SPIDR: variants seen among roughly 807,000 people sequenced by gnomAD.
SPIDR encodes the protein DNA repair-scaffolding protein.
A neutral mutation model predicts 104.6 loss-of-function variants in SPIDR; 93 were observed. That is an observed-to-expected ratio of 0.89 (90% CI 0.75 to 1.06). The LOEUF is 1.06. Ranked by LOEUF, SPIDR falls within the 50% of genes least tolerant of loss-of-function variation. SPIDR has a pLI of 0.00. For synonymous variants in SPIDR, 431 were observed against 416.9 expected (o/e 1.03, Z -0.41); for missense variants, 1,154 against 1,111.2 (o/e 1.04, Z -0.55).
chr8:47,733,836 C>T (rs2085695104), intron 19 of SPIDR, among the ~76,000 whole-genome samples: 1 of 152,066 alleles, frequency 6.6e-6, no homozygotes, highest in South Asian at 2.1e-4. Context: ...CTTCTCTTTG[C>T]CTGTCTTGAC....
chr8:47,511,707 T>G, intron 8 of SPIDR: 1 of 1,057,792 alleles, frequency 9.5e-7, no homozygotes, highest in Non-Finnish European at 1.5e-6. Flanking sequence ...ATGGTCTTGG[T>G]GTACTGGTCT....
rs2080198340 is a variant in SPIDR at position 47,701,634 on chromosome 8, ATATT to A, written c.1774-86_1774-83del. The A allele has an allele frequency of 9.2e-6, 12 of 1,309,920 alleles. No homozygotes were observed. In the Admixed American group the frequency reaches 2.2e-4, roughly 24 times the overall value. 81.1% of individuals were successfully genotyped at this position (1,309,920 alleles called of 1,614,324 possible). A position where few individuals can be genotyped will look rare whatever the true frequency, so the allele number is the denominator to read the frequency against. On this transcript the variant is annotated intron_variant, in intron 12 of 19. Transcript: ENST00000297423. ...GATGCACCTGTAAGCAAATATGTAT[ATATT>A]AAAGAGGAGATTTTAATAATATCTC...
intron 1 of SPIDR, among the ~76,000 whole-genome samples, chr8:47,278,688 A>C (rs1554556194): frequency 6.6e-6 from 1 of 151,566 alleles, no homozygotes; most frequent in East Asian, 1.9e-4. Flanking sequence ...GCTCATTGCA[A>C]CCTTTGCCTT....
chr8:47,683,495 AC>A (rs2154476364), intron 11 of SPIDR, among the ~76,000 whole-genome samples: 2 of 152,278 alleles, frequency 1.3e-5, no homozygotes, highest in Non-Finnish European at 2.9e-5. Flanking sequence ...GAGTAAAATG[AC>A]CTTACCCTCT....
At chr8:47,665,375 A>T (rs2074767692) in intron 10 of SPIDR, among the ~76,000 whole-genome samples, 2 of 152,220 alleles carry the variant, frequency 1.3e-5, no homozygotes, top group Non-Finnish European at 2.9e-5. Context: ...AGTAGGATTG[A>T]ACACTAATTG....
chr8:47,470,070 C>T (rs2075454093), intron 8 of SPIDR, among the ~76,000 whole-genome samples: 1 of 152,134 alleles, frequency 6.6e-6, no homozygotes. Context: ...TTCATATGGA[C>T]TATCAGCAGA....
intron 11 of SPIDR, among the ~76,000 whole-genome samples, chr8:47,687,817 C>T (rs962110400): frequency 6.6e-6 from 1 of 152,154 alleles, no homozygotes; most frequent in African/African-American, 2.4e-5. Context: ...AATTCCAGCA[C>T]TTCGGGAGGC....
intron 5 of SPIDR, among the ~76,000 whole-genome samples, chr8:47,381,771 C>T (rs2059356934): frequency 6.6e-6 from 1 of 152,242 alleles, no homozygotes; most frequent in South Asian, 2.1e-4. Context: ...ACAAGGTGTC[C>T]TCACAGAGCC....
At chr8:47,568,249 A>T (rs374230895) in intron 8 of SPIDR, among the ~76,000 whole-genome samples, 17 of 152,158 alleles carry the variant, frequency 1.1e-4, no homozygotes, top group African/African-American at 4.1e-4. Context: ...TCATTAATCT[A>T]CCTCGGTTTA....
At chr8:47,425,959 A>C (rs2066338800) in intron 7 of SPIDR, among the ~76,000 whole-genome samples, 1 of 152,164 alleles carries the variant, frequency 6.6e-6, no homozygotes, top group African/African-American at 2.4e-5. Context: ...AAAGAATAGA[A>C]ATAGGCTGGG....
intron 8 of SPIDR, among the ~76,000 whole-genome samples, chr8:47,532,822 G>A (rs2086251812): frequency 6.6e-6 from 1 of 152,198 alleles, no homozygotes; most frequent in African/African-American, 2.4e-5. Flanking sequence ...AACAGCAGCA[G>A]AATATACATT....
At chr8:47,329,216 ACCCGCCACCACG>A (rs1554602862) in intron 5 of SPIDR, among the ~76,000 whole-genome samples, 2 of 151,392 alleles carry the variant, frequency 1.3e-5, no homozygotes, top group African/African-American at 4.9e-5. Flanking sequence ...GACTACAGGC[ACCCGCCACCACG>A]CCCGGCTGAT....
chr8:47,732,338 C>T (rs1311741244), intron 19 of SPIDR: 2 of 637,314 alleles, frequency 3.1e-6, no homozygotes, highest in Non-Finnish European at 5.7e-6. Flanking sequence ...AGCACCTTTG[C>T]CCATGCCCGT....
In SPIDR at chr8:47,653,057, T is replaced by C. The variant is rs191026600; in HGVS notation, c.1545-20744T>C. ...ATAAGCAACTGTCTTCTCATTCTCCTTAGACTGTCCATGACTGATGCCACT... is the reference window on the plus strand; with the variant it reads ...ATAAGCAACTGTCTTCTCATTCTCCCTAGACTGTCCATGACTGATGCCACT... On this transcript the variant is annotated intron_variant, in intron 10 of 19. Transcript: ENST00000297423. Among the ~76,000 whole-genome samples, 758 of 152,298 alleles carry C rather than the reference T, an allele frequency of 5.0e-3. 24 individuals carry two copies. Among genetic ancestry groups the C allele is most frequent in the Admixed American group, 0.044 (668 of 15,302 alleles).
intron 5 of SPIDR, among the ~76,000 whole-genome samples, chr8:47,320,942 G>A (rs150523373): frequency 0.01 from 1,540 of 152,214 alleles, 17 homozygotes; most frequent in Non-Finnish European, 0.017. Context: ...TTGATGGGAC[G>A]TATCTCAAAA....
At chr8:47,282,405 C>T (rs1400522116) in intron 2 of SPIDR, among the ~76,000 whole-genome samples, 2 of 152,238 alleles carry the variant, frequency 1.3e-5, no homozygotes, top group African/African-American at 4.8e-5. Context: ...TGTTTTTTAG[C>T]GTAGCTACCT....
chr8:47,457,980 G>A (rs963514947), intron 8 of SPIDR, among the ~76,000 whole-genome samples: 1 of 152,186 alleles, frequency 6.6e-6, no homozygotes, highest in African/African-American at 2.4e-5. Context: ...GCACCATGCT[G>A]TTTTGGTGGC....
chr8:47,706,324 C>T (rs919806667), intron 14 of SPIDR, among the ~76,000 whole-genome samples: 12 of 152,000 alleles, frequency 7.9e-5, no homozygotes, highest in East Asian at 3.9e-4. Flanking sequence ...ACCTGGGAGG[C>T]GGAGCTTGCA....
At chr8:47,590,265 T>C (rs1033962730) in intron 8 of SPIDR, among the ~76,000 whole-genome samples, 2 of 152,176 alleles carry the variant, frequency 1.3e-5, no homozygotes, top group African/African-American at 4.8e-5. Context: ...ACTTAGATTA[T>C]TGATTTGAGA....
Sources: allele counts gnomAD v4.1 joint callset (sites outside exome capture counted in the v4.1 genomes callset), GRCh38; gene constraint gnomAD v4.1.1; transcripts MANE v1.5; gene names NCBI Gene and HGNC (gene_info 2026-07-23, HGNC 2026-07-21).